Variants in GABRB3 observed in about 807,000 individuals in gnomAD.
GABRB3 encodes gamma-aminobutyric acid receptor subunit beta-3.
A neutral mutation model predicts 52.1 loss-of-function variants in GABRB3; 14 were observed. The ratio of observed to expected loss-of-function variants is 0.27; its 90% confidence interval spans 0.18 to 0.42. The LOEUF is 0.42. Ranked by LOEUF, GABRB3 falls within the 10% of genes least tolerant of loss-of-function variation. The pLI is 1.00. For synonymous variants in GABRB3, 260 were observed against 232.3 expected (o/e 1.12, Z -1.08); for missense variants, 307 against 609.1 (o/e 0.50, Z 5.22).
chr15:26,683,453 A>G (rs1888302310), intron 3 of GABRB3, among the ~76,000 whole-genome samples: 1 of 151,840 alleles, frequency 6.6e-6, no homozygotes. Context: ...TTGCTCCATC[A>G]CCAGCCCCTA....
chr15:26,596,161 T>C (rs1891388683), intron 4 of GABRB3, among the ~76,000 whole-genome samples: 1 of 151,812 alleles, frequency 6.6e-6, no homozygotes, highest in Non-Finnish European at 1.5e-5. Flanking sequence ...ACAGGCAAGA[T>C]AAGGAGGGTG....
chr15:26,670,665 G>A (rs1412935050), intron 3 of GABRB3, among the ~76,000 whole-genome samples: 2 of 152,180 alleles, frequency 1.3e-5, no homozygotes, highest in Admixed American at 6.5e-5. Flanking sequence ...GATTTGGGAG[G>A]ATGATACTAC....
At chr15:26,700,403 A>T (rs895274641) in intron 3 of GABRB3, among the ~76,000 whole-genome samples, 11 of 152,216 alleles carry the variant, frequency 7.2e-5, no homozygotes. Context: ...TATAAGGAAG[A>T]ATTAATATCA....
intron 4 of GABRB3, chr15:26,615,250 G>C: frequency 1.0e-6 from 1 of 981,650 alleles, no homozygotes. Flanking sequence ...CTCTTAGTCA[G>C]CCAAGATCTT....
intron 3 of GABRB3, among the ~76,000 whole-genome samples, chr15:26,762,410 A>G (rs1041168843): frequency 2.0e-5 from 3 of 152,118 alleles, no homozygotes; most frequent in African/African-American, 7.2e-5. Flanking sequence ...TGCTATTGTC[A>G]TTAATATGGA....
chr15:26,569,504 C>T (rs1404209815), intron 6 of GABRB3, among the ~76,000 whole-genome samples: 1 of 152,216 alleles, frequency 6.6e-6, no homozygotes, highest in African/African-American at 2.4e-5. Flanking sequence ...AATATCACCA[C>T]AAGGACTCTA....
At chr15:26,727,762 T>C (rs1159182358) in intron 3 of GABRB3, among the ~76,000 whole-genome samples, 6 of 152,210 alleles carry the variant, frequency 3.9e-5, no homozygotes, top group Non-Finnish European at 8.8e-5. Flanking sequence ...ATATATATCA[T>C]GACCTCATGT....
chr15:26,545,202 G>GT lies in GABRB3; in HGVS notation c.*2590dup, dbSNP rs1889186581. 1 of 152,314 alleles carries GT rather than the reference G, an allele frequency of 6.6e-6. No homozygotes were observed. 9.4% of individuals were successfully genotyped at this position (152,314 alleles called of 1,614,324 possible). ...AGAATATATGTATGTATTTGTGTGT[G>GT]TGTGTGTGTGTGTGTGTGTAGTTAC... On this transcript the variant is annotated 3_prime_UTR_variant, in exon 9 of 9. Coordinates refer to ENST00000311550, the MANE Select transcript of GABRB3 (RefSeq NM_000814.6).
chr15:26,673,916 G>C (rs1163181389), intron 3 of GABRB3, among the ~76,000 whole-genome samples: 1 of 152,172 alleles, frequency 6.6e-6, no homozygotes, highest in African/African-American at 2.4e-5. Flanking sequence ...TACCTTAGCA[G>C]TATTGTTATG....
chr15:26,667,699 C>G (rs1046953258), intron 3 of GABRB3, among the ~76,000 whole-genome samples: 1 of 152,136 alleles, frequency 6.6e-6, no homozygotes, highest in Non-Finnish European at 1.5e-5. Context: ...ATCTCCAGAC[C>G]GGCAGTATCA....
Position 26,547,686 on chromosome 15 carries a change from G to T in GABRB3, c.*107C>A. On this transcript the variant is annotated 3_prime_UTR_variant, in exon 9 of 9. Coordinates refer to ENST00000311550, the MANE Select transcript of GABRB3 (RefSeq NM_000814.6). ...TATACAATTGCGTATGTATATATGT[G>T]TGTGTCTGCTTGTGTGTCTGTGTGT... The T allele has an allele frequency of 1.2e-6, 1 of 811,880 alleles. No homozygotes were observed. Among genetic ancestry groups the T allele is most frequent in the African/African-American group, 1.7e-5 (1 of 58,952 alleles). 50.3% of individuals were successfully genotyped at this position (811,880 alleles called of 1,614,324 possible). A position where few individuals can be genotyped will look rare whatever the true frequency, so the allele number is the denominator to read the frequency against.
intron 4 of GABRB3, among the ~76,000 whole-genome samples, chr15:26,584,764 G>A (rs1450735727): frequency 6.6e-6 from 1 of 152,130 alleles, no homozygotes; most frequent in East Asian, 1.9e-4. Flanking sequence ...GCAACTATTA[G>A]GGTTATTATA....
chr15:26,577,187 C>T (rs1425944762), intron 6 of GABRB3, among the ~76,000 whole-genome samples: 1 of 152,050 alleles, frequency 6.6e-6, no homozygotes, highest in African/African-American at 2.4e-5. Context: ...CCCTCAGACA[C>T]ACATCCAACC....
chr15:26,625,503 G>T (rs961488155), intron 3 of GABRB3: 1 of 984,990 alleles, frequency 1.0e-6, no homozygotes, highest in African/African-American at 1.7e-5. Flanking sequence ...ATGGGATGGA[G>T]AGTCTGTCAG....
chr15:26,680,986 T>C (rs541882376), intron 3 of GABRB3, among the ~76,000 whole-genome samples: 1 of 152,344 alleles, frequency 6.6e-6, no homozygotes, highest in East Asian at 1.9e-4. Context: ...TGCGTGCATT[T>C]TGTAAGATTA....
chr15:26,605,738 C>T (rs12917487), intron 4 of GABRB3, among the ~76,000 whole-genome samples: 74,309 of 151,562 alleles, frequency 0.49, 19,259 homozygotes, highest in Non-Finnish European at 0.59. Flanking sequence ...ATTGAACTCA[C>T]GGAGATAGAG....
intron 3 of GABRB3, among the ~76,000 whole-genome samples, chr15:26,733,891 T>C (rs2140153322): frequency 6.6e-6 from 1 of 152,236 alleles, no homozygotes; most frequent in East Asian, 1.9e-4. Flanking sequence ...GGACAGTCTT[T>C]TGAACAAATG....
chr15:26,585,004 T>C (rs2093374859), intron 4 of GABRB3, among the ~76,000 whole-genome samples: 1 of 152,032 alleles, frequency 6.6e-6, no homozygotes, highest in Admixed American at 6.5e-5. Context: ...GTTTACAGGC[T>C]TGTGATGCTG....
At chr15:26,641,237 T>A (rs1337829168) in intron 3 of GABRB3, among the ~76,000 whole-genome samples, 4 of 152,236 alleles carry the variant, frequency 2.6e-5, no homozygotes, top group African/African-American at 4.8e-5. Context: ...TCAGATCGCC[T>A]TCTGACGCAG....
Sources: gnomAD v4.1 joint callset for allele counts (sites outside exome capture counted in the v4.1 genomes callset) on GRCh38, gnomAD v4.1.1 for gene constraint, MANE v1.5 for transcripts, NCBI Gene and HGNC (gene_info 2026-07-23, HGNC 2026-07-21) for gene names.